The following KRT13 variants were observed in gnomAD, a reference collection of about 807,000 sequenced individuals.
The protein encoded by KRT13 is keratin 13.
Under a neutral mutation model 40.6 loss-of-function variants are expected in KRT13, and 27 were observed. The observed-to-expected ratio is 0.67, with a 90% CI of 0.49 to 0.92. The LOEUF is 0.92. KRT13 is among the 40% of genes least tolerant of loss of function. The pLI is 0.00. For synonymous variants in KRT13, 266 were observed against 240.3 expected (o/e 1.11, Z -0.99); for missense variants, 605 against 611.5 (o/e 0.99, Z 0.11).
rs139318123 is a variant in KRT13 at position 41,502,701 on chromosome 17, A to G, written c.1009T>C (p.Ser337Pro). 3.7e-4 allele frequency: 605 copies of G among 1,614,074 alleles called. No homozygotes were observed. The highest frequency in any genetic ancestry group is 5.7e-4 in the Admixed American group (34 of 60,028). ...TGCAGGCATACCATGCTCAGCTGGG[A>G]CTGCAGCTCAATCTCCAGGCCTTGG... ...TLQGLEIELQ[S>P]QLSMKAGLEN... is the part of the protein sequence containing the mutation. The change falls in exon 5 of 8, where the codon TCC (serine) becomes CCC (proline). Residue 337 changes from serine to proline, a missense_variant. Physicochemically the swap from Ser to Pro is moderately conservative, Grantham distance 74 (BLOSUM62 -1). Coordinates refer to ENST00000246635, the MANE Select transcript of KRT13 (RefSeq NM_153490.3).
In KRT13 at chr17:41,503,681, A is replaced by G. The variant is rs755205284; in HGVS notation, c.540T>C (p.Ile180=). Residue 180 remains isoleucine, a synonymous_variant, in exon 2 of 8, where the codon ATT becomes ATC. Coordinates refer to ENST00000246635, the MANE Select transcript of KRT13 (RefSeq NM_153490.3). ...TIENNRVILE[I]DNARLAADDF... ...CGTCCGCAGCCAGCCTGGCATTGTC[A>G]ATCTCCAGGATGACCCGGTTGTTTT... 2.2e-5 allele frequency: 35 copies of G among 1,614,028 alleles called. No homozygotes were observed. The highest frequency in any genetic ancestry group is 3.0e-5 in the Non-Finnish European group (35 of 1,179,994).
chr17:41,502,613 A>G lies in KRT13; in HGVS notation c.1024-19T>C. The G allele has an allele frequency of 6.2e-7, 1 of 1,613,246 alleles. No homozygotes were observed. Among genetic ancestry groups the G allele is most frequent in the Non-Finnish European group, 8.5e-7 (1 of 1,180,004 alleles). On this transcript the variant is annotated intron_variant, in intron 5 of 7. Coordinates refer to ENST00000246635, the MANE Select transcript of KRT13 (RefSeq NM_153490.3). ...CCGCTTTCTGGTGGAGCGACAGACA[A>G]GAAGTTACAGAGGGAGCCAGGCCAG...
intron 1 of KRT13, 41 bp from the exon 2 acceptor site, chr17:41,503,766 T>C (rs954064445): frequency 6.6e-7 from 1 of 1,524,974 alleles, no homozygotes; most frequent in Non-Finnish European, 9.1e-7. Flanking sequence ...GGCATGGGTG[T>C]CCAGTCTGTT....
chr17:41,504,552 A>G (rs570479666), intron 1 of KRT13: 1 of 167,646 alleles, frequency 6.0e-6, no homozygotes, highest in African/African-American at 2.4e-5. Context: ...ACAGGGCTCA[A>G]CAAAGGGCAC....
At chr17:41,503,162 C>A (rs1294482466) in intron 3 of KRT13, 64 bp from the exon 4 acceptor site, 9 of 1,606,648 alleles carry the variant, frequency 5.6e-6, no homozygotes, top group Non-Finnish European at 7.7e-6. Flanking sequence ...GCTCTGAGTG[C>A]TGGCAGAGTG....
In KRT13 at chr17:41,504,967, C is replaced by G. The variant is rs540737274; in HGVS notation, c.495+89G>C. ...CCTGCAAGAAGTTTGTGAATTCCGT[C>G]CACACCTAGTCCCCCACAACACTGT... On this transcript the variant is annotated intron_variant, in intron 1 of 7. Transcript: ENST00000246635. 102 of 1,495,020 alleles carry G rather than the reference C, an allele frequency of 6.8e-5. 1 individual carries two copies. The South Asian group carries it at 1.1e-3, about 16-fold the overall frequency. 92.6% of individuals were successfully genotyped at this position (1,495,020 alleles called of 1,614,324 possible).
chr17:41,505,197 G>A lies in KRT13; in HGVS notation c.354C>T (p.Tyr118=). 6.2e-7 allele frequency: 1 copy of A among 1,614,212 alleles called. No homozygotes were observed. The highest frequency in any genetic ancestry group is 2.2e-5 in the East Asian group (1 of 44,888). Residue 118 remains tyrosine (Y), a synonymous_variant, in exon 1 of 8, where the codon TAC becomes TAT. Transcript: ENST00000246635. ...MQNLNDRLAS[Y]LEKVRALEEA... is the part of the protein sequence containing the mutation. ...CCTCCAGGGCGCGCACCTTCTCCAG[G>A]TAGGAAGCCAGGCGGTCGTTGAGGT...
chr17:41,501,685 T>A, intron 7 of KRT13, 34 bp downstream of exon 7: 1 of 1,563,520 alleles, frequency 6.4e-7, no homozygotes, highest in Non-Finnish European at 8.7e-7. Flanking sequence ...AGGCTAACTC[T>A]GCCTCCCCCT....
Position 41,501,035 on chromosome 17 carries a change from G to A in KRT13, c.*221C>T, listed in dbSNP as rs1904827703. On this transcript the variant is annotated 3_prime_UTR_variant, in exon 8 of 8. Transcript: ENST00000246635. Reference sequence around the variant, plus strand: ...TGAATAATCTTTTCTTTGGGGTAGAGAAGTTGAGAAACCAAAGCGTATCCA... The same window carrying A: ...TGAATAATCTTTTCTTTGGGGTAGAAAAGTTGAGAAACCAAAGCGTATCCA... The A allele has an allele frequency of 2.2e-6, 1 of 462,238 alleles. No homozygotes were observed. Among genetic ancestry groups the A allele is most frequent in the Non-Finnish European group, 4.0e-6 (1 of 248,328 alleles). 28.6% of individuals were successfully genotyped at this position (462,238 alleles called of 1,614,324 possible).
At chr17:41,503,619 G>T in intron 2 of KRT13, 24 bp downstream of exon 2, 1 of 1,602,392 alleles carries the variant, frequency 6.2e-7, no homozygotes. Context: ...GGAAAGGAGA[G>T]GGAGGGGGAA....
Position 41,501,367 on chromosome 17 carries a change from G to T in KRT13, c.1271-5C>A. 1 of 1,552,728 alleles carries T rather than the reference G, an allele frequency of 6.4e-7. No individual in the cohort carries two copies. Among genetic ancestry groups the T allele is most frequent in the Non-Finnish European group, 8.7e-7 (1 of 1,145,660 alleles). ...TGCTACGGGGGCTGACGCTTCCTGG[G>T]AAACAAGAGACAAGACATGCTCAGG... On this transcript the variant is annotated splice_polypyrimidine_tract_variant and splice_region_variant and intron_variant, in intron 7 of 7. Transcript: ENST00000246635.
rs912601230 is a variant in KRT13, at chr17:41,505,219, A to AG, written c.331dup (p.Leu111ProfsTer21). 6.2e-7 allele frequency: 1 copy of AG among 1,613,918 alleles called. No individual in the cohort carries two copies. The highest frequency in any genetic ancestry group is 8.5e-7 in the Non-Finnish European group (1 of 1,179,946). The stretch of plus-strand genomic sequence containing the variant: ...CAGGTAGGAAGCCAGGCGGTCGTTG[A>AG]GGTTCTGCATGGTGATCTTCTCATT... On this transcript the variant is annotated frameshift_variant, in exon 1 of 8. Transcript: ENST00000246635. LOFTEE classifies it high-confidence loss of function.
rs781460720 is a variant in KRT13, at chr17:41,502,545, A to G, written c.1073T>C (p.Leu358Pro). The change falls in exon 6 of 8, where the codon CTG (leucine) becomes CCG (proline). Residue 358 changes from leucine to proline, a missense_variant. Physicochemically the swap from Leu to Pro is moderately conservative, Grantham distance 98. Coordinates refer to ENST00000246635, the MANE Select transcript of KRT13 (RefSeq NM_153490.3). ...TVAETECRYA[L>P]QLQQIQGLIS... The stretch of plus-strand genomic sequence containing the variant: ...GAGTCCCTGGATCTGCTGCAGCTGC[A>G]GGGCATAGCGGCACTCCGTCTCTGC... 10 of 1,613,806 alleles carry G rather than the reference A, an allele frequency of 6.2e-6. No homozygotes were observed. Among genetic ancestry groups the G allele is most frequent in the Non-Finnish European group, 8.5e-6 (10 of 1,180,044 alleles).
Position 41,502,934 on chromosome 17 carries a change from T to C in KRT13, c.897+3A>G, listed in dbSNP as rs1425378955. 1 of 1,613,960 alleles carries C rather than the reference T, an allele frequency of 6.2e-7. No individual in the cohort carries two copies. Among genetic ancestry groups the C allele is most frequent in the Non-Finnish European group, 8.5e-7 (1 of 1,179,994 alleles). On this transcript the variant is annotated splice_donor_region_variant and intron_variant, in intron 4 of 7. Transcript: ENST00000246635. ...GGCTATGTGGGGTGGGAGGGCCGGGTACCTTGGTGTGGAACCATTCCTCAG... is the reference window on the plus strand; with the variant it reads ...GGCTATGTGGGGTGGGAGGGCCGGGCACCTTGGTGTGGAACCATTCCTCAG...
chr17:41,503,540 G>C, intron 2 of KRT13, 97 bp from the exon 3 acceptor site: 1 of 1,531,988 alleles, frequency 6.5e-7, no homozygotes, highest in Non-Finnish European at 9.0e-7. Flanking sequence ...AGTACTTCCA[G>C]ACCTTCACTC....
At chr17:41,504,992 T>A in intron 1 of KRT13, 64 bp downstream of exon 1, 1 of 1,591,742 alleles carries the variant, frequency 6.3e-7, no homozygotes, top group Non-Finnish European at 8.6e-7. Context: ...CACAACACTG[T>A]GTTTCTTGGC....
chr17:41,504,932 A>G, intron 1 of KRT13, 124 bp downstream of exon 1: 1 of 1,120,888 alleles, frequency 8.9e-7, no homozygotes. Flanking sequence ...GTCAAACAGT[A>G]GGCTTTTCCC....
At chr17:41,501,923 T>C (rs900752902) in intron 6 of KRT13, 179 bp from the exon 7 acceptor site, 3 of 1,485,404 alleles carry the variant, frequency 2.0e-6, no homozygotes, top group Non-Finnish European at 2.7e-6. Context: ...GGACTGTCTG[T>C]CTTTCCTGTC....
chr17:41,505,472 G>A lies in KRT13; in HGVS notation c.79C>T (p.Arg27Cys), dbSNP rs756052301. ...GGGSCQLGGGRGVSTCSTRFV... is the reference protein window; with the variant it reads ...GGGSCQLGGGCGVSTCSTRFV... ...CGAGTTGAACAGGTAGAGACACCAC[G>A]GCCTCCTCCCAGCTGGCAAGAGCCA... Residue 27 changes from arginine (R) to cysteine (C), a missense_variant, in exon 1 of 8, where the codon CGT becomes TGT. Physicochemically the swap from Arg to Cys is radical, Grantham distance 180. Coordinates refer to ENST00000246635, the MANE Select transcript of KRT13 (RefSeq NM_153490.3). 29 of 1,613,964 alleles carry A rather than the reference G, an allele frequency of 1.8e-5. No individual in the cohort carries two copies. The highest frequency in any genetic ancestry group is 4.5e-5 in the East Asian group (2 of 44,888).
Sources: allele counts gnomAD v4.1 joint callset, GRCh38; gene constraint gnomAD v4.1.1; transcripts MANE v1.5; gene names NCBI Gene and HGNC (gene_info 2026-07-23, HGNC 2026-07-21).